SLC44A5: variants seen among roughly 807,000 people sequenced by gnomAD.
The protein encoded by SLC44A5 is choline transporter-like protein 5.
Under a neutral mutation model 101.8 loss-of-function variants are expected in SLC44A5, and 57 were observed. The observed-to-expected ratio is 0.56, with a 90% confidence interval of 0.45 to 0.70. The LOEUF (loss-of-function observed/expected upper bound fraction) is 0.70, where lower values mean the gene tolerates loss of function less well. SLC44A5 is among the 30% of genes least tolerant of loss of function. SLC44A5 has a pLI of 0.00. For missense variants in SLC44A5, 737 were observed against 853.1 expected (o/e 0.86, Z 1.70); for synonymous variants, 281 against 290.9 (o/e 0.97, Z 0.35).
chr1:75,282,822 G>A (rs1652714289), intron 5 of SLC44A5, among the ~76,000 whole-genome samples: 1 of 152,092 alleles, frequency 6.6e-6, no homozygotes, highest in Non-Finnish European at 1.5e-5. Flanking sequence ...AGTTTCCTGA[G>A]GTCTCCCCAG....
chr1:75,651,579 C>T, the SLC44A5 span, among the ~76,000 whole-genome samples: 1 of 151,742 alleles, frequency 6.6e-6, no homozygotes, highest in Non-Finnish European at 1.5e-5. Context: ...TGTCTGTAGT[C>T]CCAGCTACTC....
chr1:75,287,632 C>T (rs1454228800), intron 5 of SLC44A5, among the ~76,000 whole-genome samples: 2 of 152,026 alleles, frequency 1.3e-5, no homozygotes, highest in African/African-American at 4.8e-5. Context: ...TTTTATCTCA[C>T]AGGGTGCTTC....
At chr1:75,457,430 T>C (rs1666249305) in intron 2 of SLC44A5, among the ~76,000 whole-genome samples, 1 of 152,018 alleles carries the variant, frequency 6.6e-6, no homozygotes, top group African/African-American at 2.4e-5. Flanking sequence ...CATGCTTAAG[T>C]CAAGCTGCAG....
chr1:75,652,937 T>G, the SLC44A5 span, among the ~76,000 whole-genome samples: 1 of 152,228 alleles, frequency 6.6e-6, no homozygotes, highest in African/African-American at 2.4e-5. Flanking sequence ...AATTCTGATA[T>G]GAAATTCAAA....
Position 75,414,605 on chromosome 1 carries a change from T to G in SLC44A5, c.14-17984A>C, listed in dbSNP as rs558274995. On this transcript the variant is annotated intron_variant, in intron 2 of 23. Transcript: ENST00000370859. ...GTGTCATTAAAAAAGAGGCTTTAAG[T>G]GCTATAAATGTGTAAAGCAAGTAAA... Among the ~76,000 whole-genome samples, 3 of 152,164 alleles carry G rather than the reference T, an allele frequency of 2.0e-5. No homozygotes were observed. In the South Asian group the frequency reaches 6.2e-4, roughly 32 times the overall value.
chr1:75,499,471 A>T (rs1668839638), intron 2 of SLC44A5, among the ~76,000 whole-genome samples: 1 of 152,226 alleles, frequency 6.6e-6, no homozygotes, highest in Non-Finnish European at 1.5e-5. Flanking sequence ...AGTTTCTAAC[A>T]GGCCACATAC....
At chr1:75,537,368 C>T (rs35592604) in intron 2 of SLC44A5, among the ~76,000 whole-genome samples, 20,809 of 152,156 alleles carry the variant, frequency 0.14, 1,919 homozygotes, top group Non-Finnish European at 0.2. Context: ...TTCTTTTCTA[C>T]TGAGTCCATT....
chr1:75,495,137 T>A (rs541504173), intron 2 of SLC44A5, among the ~76,000 whole-genome samples: 1 of 152,106 alleles, frequency 6.6e-6, no homozygotes, highest in Admixed American at 6.5e-5. Context: ...AATTGAGATA[T>A]GTAATTTGCC....
At chr1:75,473,437 G>A (rs1667216657) in intron 2 of SLC44A5, among the ~76,000 whole-genome samples, 1 of 152,186 alleles carries the variant, frequency 6.6e-6, no homozygotes, top group African/African-American at 2.4e-5. Flanking sequence ...CAAATTCTAA[G>A]TTGATGACAT....
intron 20 of SLC44A5, 57 bp downstream of exon 20, chr1:75,214,548 T>A (rs1646923521): frequency 7.4e-7 from 1 of 1,348,768 alleles, no homozygotes; most frequent in African/African-American, 1.4e-5. Flanking sequence ...ATGTAAAGGA[T>A]GTAATGCTCA....
the SLC44A5 span, chr1:75,677,696 A>T: frequency 3.8e-5 from 16 of 419,530 alleles, no homozygotes; most frequent in Admixed American, 8.8e-5. Flanking sequence ...CTAAATGCAT[A>T]AAAAAAACAA....
intron 3 of SLC44A5, among the ~76,000 whole-genome samples, chr1:75,390,224 G>C (rs1038860393): frequency 2.0e-5 from 3 of 151,906 alleles, no homozygotes; most frequent in Admixed American, 2.0e-4. Flanking sequence ...AATTCTACCA[G>C]GTGTATAAAG....
intron 6 of SLC44A5, among the ~76,000 whole-genome samples, chr1:75,271,628 G>A (rs987261991): frequency 6.6e-6 from 1 of 151,768 alleles, no homozygotes; most frequent in African/African-American, 2.4e-5. Context: ...CATTCAAGTT[G>A]CTACAAAAGG....
At chr1:75,241,259 C>T (rs1216084446) in intron 9 of SLC44A5, among the ~76,000 whole-genome samples, 2 of 151,958 alleles carry the variant, frequency 1.3e-5, no homozygotes, top group African/African-American at 4.8e-5. Flanking sequence ...GTGTTTCACT[C>T]TGTTGCCAAG....
At chr1:75,573,761 A>T (rs1209159478) in intron 1 of SLC44A5, among the ~76,000 whole-genome samples, 1 of 152,136 alleles carries the variant, frequency 6.6e-6, no homozygotes, top group Non-Finnish European at 1.5e-5. Flanking sequence ...TGTCACAATA[A>T]TAATTTATTT....
At chr1:75,344,788 T>C (rs1658127558) in intron 3 of SLC44A5, among the ~76,000 whole-genome samples, 1 of 152,150 alleles carries the variant, frequency 6.6e-6, no homozygotes. Flanking sequence ...TTCTAACATC[T>C]AGAATCGTAA....
At chr1:75,493,735 T>C (rs542014715) in intron 2 of SLC44A5, among the ~76,000 whole-genome samples, 3 of 152,344 alleles carry the variant, frequency 2.0e-5, no homozygotes, top group East Asian at 3.9e-4. Context: ...TCAGTAAGGA[T>C]GTCAGCAAGA....
intron 7 of SLC44A5, among the ~76,000 whole-genome samples, chr1:75,246,496 TAAAA>T (rs1649116711): frequency 6.6e-6 from 1 of 152,074 alleles, no homozygotes; most frequent in Non-Finnish European, 1.5e-5. Flanking sequence ...GAACAACACA[TAAAA>T]ATCCTTGCCC....
intron 2 of SLC44A5, among the ~76,000 whole-genome samples, chr1:75,503,282 C>T (rs1669067640): frequency 6.6e-6 from 1 of 152,098 alleles, no homozygotes; most frequent in Non-Finnish European, 1.5e-5. Flanking sequence ...TCAAAAAATG[C>T]ACTAACTCTG....
Sources: gnomAD v4.1 joint callset for allele counts (sites outside exome capture counted in the v4.1 genomes callset) on GRCh38, gnomAD v4.1.1 for gene constraint, MANE v1.5 for transcripts, NCBI Gene and HGNC (gene_info 2026-07-23, HGNC 2026-07-21) for gene names.